Variants in NPM2 observed in about 807,000 individuals in gnomAD.
The protein encoded by NPM2 is nucleoplasmin-2.
Under a neutral mutation model 32.0 loss-of-function variants are expected in NPM2, and 25 were observed. The observed-to-expected ratio is 0.78, with a 90% CI of 0.57 to 1.09. NPM2 has a LOEUF of 1.09. Among genes scored for constraint, NPM2 ranks in the 50% least tolerant of loss-of-function variants. NPM2 has a pLI of 0.00. For missense variants in NPM2, 282 were observed against 259.9 expected, an observed-to-expected ratio of 1.08 and a Z score of -0.58; for synonymous variants, 111 against 94.2, an observed-to-expected ratio of 1.18 and a Z score of -1.04.
intron 8 of NPM2, 135 bp downstream of exon 8, chr8:22,034,679 G>A: frequency 2.9e-6 from 2 of 695,848 alleles, no homozygotes; most frequent in South Asian, 3.8e-5. Flanking sequence ...AGGCACATGG[G>A]TATGGAAGTG....
chr8:22,036,778 G>C lies in NPM2; in HGVS notation c.*96G>C. 1 of 1,255,786 alleles carries C rather than the reference G, an allele frequency of 8.0e-7. No individual in the cohort carries two copies. The highest frequency in any genetic ancestry group is 1.5e-5 in the South Asian group (1 of 64,946). The allele number at this position is 1,255,786 out of a possible 1,614,324, so 77.8% of individuals were successfully genotyped here. A position where few individuals can be genotyped will look rare whatever the true frequency, so the allele number is the denominator to read the frequency against. On this transcript the variant is annotated 3_prime_UTR_variant, in exon 10 of 10. Transcript: ENST00000518119. ...CTGTCCAGCCCCTCCACCTGTGTCTGAATGCAACAGGGGTGTTGCGGGGGC... is the reference window on the plus strand; with the variant it reads ...CTGTCCAGCCCCTCCACCTGTGTCTCAATGCAACAGGGGTGTTGCGGGGGC...
intron 5 of NPM2, among the ~76,000 whole-genome samples, chr8:22,029,502 G>A (rs1438016244): frequency 6.6e-6 from 1 of 152,128 alleles, no homozygotes; most frequent in Admixed American, 6.5e-5. Flanking sequence ...CAACTTGTCA[G>A]CCTACTCAAC....
intron 8 of NPM2, 86 bp downstream of exon 8, chr8:22,034,630 G>A (rs1045529373): frequency 2.2e-5 from 25 of 1,128,774 alleles, no homozygotes; most frequent in African/African-American, 1.5e-4. Context: ...TGGGATGTAC[G>A]TGTACAAATG....
At position 22,036,791 on chromosome 8, in the gene NPM2, G is replaced by A. The variant is rs538090124; in HGVS notation, c.*109G>A. 1.7e-5 allele frequency: 19 copies of A among 1,139,064 alleles called. No individual in the cohort carries two copies. In the East Asian group the frequency reaches 4.9e-4, roughly 29 times the overall value. 70.6% of individuals were successfully genotyped at this position (1,139,064 alleles called of 1,614,324 possible). On this transcript the variant is annotated 3_prime_UTR_variant, in exon 10 of 10. Transcript: ENST00000518119. ...CCACCTGTGTCTGAATGCAACAGGGGTGTTGCGGGGGCAACATGAGAGCCC... is the reference window on the plus strand; with the variant it reads ...CCACCTGTGTCTGAATGCAACAGGGATGTTGCGGGGGCAACATGAGAGCCC...
At chr8:22,025,073 T>C in intron 2 of NPM2, 143 bp from the exon 3 acceptor site, 1 of 625,244 alleles carries the variant, frequency 1.6e-6, no homozygotes, top group Non-Finnish European at 2.7e-6. Flanking sequence ...CTCCAGGAGT[T>C]GCCGGTGAGC....
intron 8 of NPM2, 34 bp downstream of exon 8, chr8:22,034,578 C>T (rs1398375255): frequency 6.4e-7 from 1 of 1,550,536 alleles, no homozygotes; most frequent in Non-Finnish European, 8.9e-7. Context: ...TAGCCAAAGT[C>T]TCCAGCTGAG....
intron 5 of NPM2, among the ~76,000 whole-genome samples, chr8:22,028,463 C>T (rs1001342233): frequency 1.4e-5 from 2 of 144,862 alleles, no homozygotes; most frequent in African/African-American, 5.2e-5. Context: ...GGACAACAGG[C>T]GCTCCCCACC....
chr8:22,032,847 C>T (rs1409041508), intron 5 of NPM2, among the ~76,000 whole-genome samples: 1 of 152,124 alleles, frequency 6.6e-6, no homozygotes, highest in African/African-American at 2.4e-5. Flanking sequence ...GAGGATAGGG[C>T]TTCAACATAG....
chr8:22,034,004 C>T (rs1800528960), intron 6 of NPM2, 105 bp from the exon 7 acceptor site: 1 of 1,469,064 alleles, frequency 6.8e-7, no homozygotes, highest in Non-Finnish European at 9.0e-7. Flanking sequence ...GGCTAGGATT[C>T]CTCCAGGGCA....
In NPM2 at chr8:22,024,216, G is replaced by A. The variant is rs1353748509; in HGVS notation, c.-548G>A. On this transcript the variant is annotated 5_prime_UTR_variant, in exon 1 of 10. Transcript: ENST00000518119. ...ACCTGCCCGCTGCGGCTCTCCGCGGGAGATCTCACCGTTCTGGAGACAGGG... is the reference window on the plus strand; with the variant it reads ...ACCTGCCCGCTGCGGCTCTCCGCGGAAGATCTCACCGTTCTGGAGACAGGG... 1 of 152,550 alleles carries A rather than the reference G, an allele frequency of 6.6e-6. No homozygotes were observed. The highest frequency in any genetic ancestry group is 1.5e-5 in the Non-Finnish European group (1 of 68,202). 9.4% of individuals were successfully genotyped at this position (152,550 alleles called of 1,614,324 possible). A position where few individuals can be genotyped will look rare whatever the true frequency, so the allele number is the denominator to read the frequency against.
intron 5 of NPM2, among the ~76,000 whole-genome samples, chr8:22,030,083 G>T (rs1169409223): frequency 6.6e-6 from 1 of 151,884 alleles, no homozygotes; most frequent in Non-Finnish European, 1.5e-5. Flanking sequence ...GATATATGTT[G>T]GGCCTTCTCA....
intron 5 of NPM2, among the ~76,000 whole-genome samples, chr8:22,026,209 G>C (rs1220383486): frequency 6.6e-6 from 1 of 152,060 alleles, no homozygotes; most frequent in Non-Finnish European, 1.5e-5. Flanking sequence ...TCGAATGCCT[G>C]ATCTGAGGTG....
intron 8 of NPM2, 120 bp downstream of exon 8, chr8:22,034,664 C>T (rs1800560718): frequency 3.9e-6 from 3 of 777,666 alleles, no homozygotes; most frequent in African/African-American, 1.7e-5. Flanking sequence ...TCTACCTGCA[C>T]TCGCAGGCAC....
intron 5 of NPM2, among the ~76,000 whole-genome samples, chr8:22,031,114 G>C (rs1258114706): frequency 6.6e-6 from 1 of 152,106 alleles, no homozygotes; most frequent in Non-Finnish European, 1.5e-5. Context: ...TACATTTCTT[G>C]GCTTGGCAGT....
chr8:22,026,243 C>G (rs1230872527), intron 5 of NPM2, among the ~76,000 whole-genome samples: 4 of 152,036 alleles, frequency 2.6e-5, no homozygotes, highest in Admixed American at 2.0e-4. Flanking sequence ...CCAAAACCAC[C>G]CCCCACTCCC....
chr8:22,032,825 A>G (rs1167030708), intron 5 of NPM2, among the ~76,000 whole-genome samples: 3 of 152,074 alleles, frequency 2.0e-5, no homozygotes, highest in Non-Finnish European at 4.4e-5. Flanking sequence ...ATTTCTAAAT[A>G]CTATCACACT....
chr8:22,036,497 A>C lies in NPM2; in HGVS notation c.571A>C (p.Ser191Arg), dbSNP rs1224785991. ...CTCCGCTCCACCCTGTTGCAGAGCC[A>C]GCGTTAGAGACAAGAGCCCTGTGAA... ...LEKEEEEIRASVRDKSPVKKA... is the reference protein window; with the variant it reads ...LEKEEEEIRARVRDKSPVKKA... Residue 191 changes from serine to arginine, a missense_variant, in exon 9 of 10, where the codon AGC (serine) becomes CGC (arginine). By Grantham distance (110) the Ser-to-Arg change is moderately radical. Transcript: ENST00000518119. 2 of 1,605,028 alleles carry C rather than the reference A, an allele frequency of 1.2e-6. No individual in the cohort carries two copies. The highest frequency in any genetic ancestry group is 8.5e-7 in the Non-Finnish European group (1 of 1,175,938).
At position 22,034,170 on chromosome 8, in the gene NPM2, A is replaced by G; in HGVS notation, c.426A>G (p.Glu142=). The G allele has an allele frequency of 6.2e-7, 1 of 1,612,710 alleles. No homozygotes were observed. The highest frequency in any genetic ancestry group is 8.5e-7 in the Non-Finnish European group (1 of 1,179,436). The part of the protein sequence containing the change: ...EEEEGEEEEE[E]EEDDEDEDAD... Reference sequence around the variant, plus strand: ...AAGAAGGGGAGGAGGAGGAAGAGGAAGAGGAAGATGATGAGGATGAGGATG... The same window carrying G: ...AAGAAGGGGAGGAGGAGGAAGAGGAGGAGGAAGATGATGAGGATGAGGATG... The change falls in exon 7 of 10, where the codon GAA becomes GAG. Residue 142 remains glutamate (E), a synonymous_variant. Coordinates refer to ENST00000518119, the MANE Select transcript of NPM2 (RefSeq NM_001286680.2).
chr8:22,036,320 G>A (rs913445222), intron 8 of NPM2, 173 bp from the exon 9 acceptor site: 24 of 589,354 alleles, frequency 4.1e-5, no homozygotes, highest in East Asian at 1.7e-4. Context: ...ACACATATGC[G>A]TATGCATGCA....
Sources: allele counts gnomAD v4.1 joint callset (sites outside exome capture counted in the v4.1 genomes callset), GRCh38; gene constraint gnomAD v4.1.1; transcripts MANE v1.5; gene names NCBI Gene and HGNC (gene_info 2026-07-23, HGNC 2026-07-21).